ITGAD: variants seen among roughly 807,000 people sequenced by gnomAD.
ITGAD encodes integrin subunit alpha D.
ITGAD carries 105 observed loss-of-function variants against 139.0 expected under a neutral mutation model. The observed-to-expected ratio is 0.76, with a 90% CI of 0.65 to 0.89. ITGAD has a LOEUF of 0.89. Ranked by LOEUF, ITGAD falls within the 40% of genes least tolerant of loss-of-function variation. The probability of loss-of-function intolerance (pLI) is 0.00; values close to 1 mark genes in which losing one functional copy is unlikely to be tolerated. For synonymous variants in ITGAD, 569 were observed against 598.3 expected, an observed-to-expected ratio of 0.95 and a Z score of 0.71; for missense variants, 1,384 against 1,487.3, an observed-to-expected ratio of 0.93 and a Z score of 1.14.
Position 31,394,256 on chromosome 16 carries a change from T to C in ITGAD, c.52T>C (p.Phe18Leu). ...CTCAGTCCTGGCTTCTTATCATGGA[T>C]TCAACCTGGATGTGGAGGAGCCTAC... is the stretch of plus-strand genomic sequence containing the variant. ...LLSVLASYHG[F>L]NLDVEEPTIF... Residue 18 changes from phenylalanine to leucine, a missense_variant, in exon 2 of 30, where the codon TTC becomes CTC. By Grantham distance (22) the Phe-to-Leu change is conservative. Coordinates refer to ENST00000389202, the MANE Select transcript of ITGAD (RefSeq NM_005353.3). 1.2e-6 allele frequency: 2 copies of C among 1,613,702 alleles called. No individual in the cohort carries two copies. Among genetic ancestry groups the C allele is most frequent in the Non-Finnish European group, 1.7e-6 (2 of 1,179,778 alleles).
intron 20 of ITGAD, among the ~76,000 whole-genome samples, chr16:31,417,855 G>A (rs2081927324): frequency 6.6e-6 from 1 of 152,162 alleles, no homozygotes; most frequent in South Asian, 2.1e-4. Context: ...CCTGTGGCAG[G>A]GGAATTGCTT....
intron 2 of ITGAD, 142 bp downstream of exon 2, chr16:31,394,483 C>A: frequency 1.7e-6 from 1 of 584,114 alleles, no homozygotes; most frequent in Non-Finnish European, 3.1e-6. Flanking sequence ...GAGGCCCTGA[C>A]ATCAGCACCT....
At chr16:31,395,938 C>G (rs1222116389) in intron 2 of ITGAD, among the ~76,000 whole-genome samples, 2 of 152,134 alleles carry the variant, frequency 1.3e-5, no homozygotes, top group African/African-American at 2.4e-5. Context: ...GCACCAGGCA[C>G]CAGGCTTTTG....
rs1422197858 is a variant in ITGAD, at chr16:31,417,945, TC to T, written c.2500-129del. Reference sequence around the variant, plus strand: ...CTGGGTGACAAGAGTGAAATCCGTCTCAAAAAAAAACAACAACAAAAAAAGA... The same window carrying T: ...CTGGGTGACAAGAGTGAAATCCGTCTAAAAAAAAACAACAACAAAAAAAGA... On this transcript the variant is annotated intron_variant, in intron 20 of 29. Transcript: ENST00000389202. 9 of 603,694 alleles carry T rather than the reference TC, an allele frequency of 1.5e-5. No individual in the cohort carries two copies. In the East Asian group the frequency reaches 2.5e-4, roughly 16 times the overall value. The allele number at this position is 603,694 out of a possible 1,614,324, so 37.4% of individuals were successfully genotyped here.
In ITGAD at chr16:31,416,242, T is replaced by C. The variant is rs761054726; in HGVS notation, c.2313T>C (p.Asp771=). ...CCTTCGAGAAGAACTGTGGGCAAGA[T>C]GGCCTCTGTGAAGGGGACCTGGGTG... The part of the protein sequence containing the change: ...SLPFEKNCGQ[D]GLCEGDLGVT... Residue 771 remains aspartate (D), a synonymous_variant, in exon 19 of 30, where the codon GAT becomes GAC. Transcript: ENST00000389202. The C allele has an allele frequency of 9.3e-6, 15 of 1,606,864 alleles. No individual in the cohort carries two copies. Among genetic ancestry groups the C allele is most frequent in the Non-Finnish European group, 1.3e-5 (15 of 1,175,860 alleles).
intron 4 of ITGAD, 22 bp downstream of exon 4, chr16:31,397,688 C>CG (rs34475127): frequency 0.13 from 22,562 of 172,154 alleles, 251 homozygotes; most frequent in Non-Finnish European, 0.18. Flanking sequence ...TCTTGGGCCA[C>CG]GGGGGGGTGG....
At chr16:31,393,462 T>TGG in intron 1 of ITGAD, 71 bp downstream of exon 1, 3 of 1,547,262 alleles carry the variant, frequency 1.9e-6, no homozygotes, top group Non-Finnish European at 2.7e-6. Flanking sequence ...GAGGGCAGGC[T>TGG]GGGGGCTGGT....
chr16:31,394,150 A>AT, intron 1 of ITGAD, 86 bp from the exon 2 acceptor site: 1 of 752,076 alleles, frequency 1.3e-6, no homozygotes. Context: ...AAAAAAAAAA[A>AT]GAAAAAAAAG....
At chr16:31,396,982 G>C (rs2081277636) in intron 2 of ITGAD, among the ~76,000 whole-genome samples, 1 of 150,862 alleles carries the variant, frequency 6.6e-6, no homozygotes. Context: ...CTTATTTCTT[G>C]GGTGGTTCAA....
intron 20 of ITGAD, among the ~76,000 whole-genome samples, chr16:31,417,732 G>C (rs945855027): frequency 1.2e-4 from 18 of 152,124 alleles, no homozygotes; most frequent in Admixed American, 6.6e-5. Context: ...ATCACCTGAG[G>C]TCAGGAGTTT....
intron 4 of ITGAD, 26 bp downstream of exon 4, chr16:31,397,692 GGGGTGGGGTGGGGC>G: frequency 6.6e-7 from 1 of 1,513,500 alleles, no homozygotes; most frequent in Non-Finnish European, 9.0e-7. Flanking sequence ...GGGCCACGGG[GGGGTGGGGTGGGGC>G]GGGGGGTGTT....
At chr16:31,421,392 A>C (rs754807712) in intron 23 of ITGAD, among the ~76,000 whole-genome samples, 1 of 151,350 alleles carries the variant, frequency 6.6e-6, no homozygotes, top group Non-Finnish European at 1.5e-5. Flanking sequence ...TACAGGCATG[A>C]GTGGGAGGAT....
At position 31,403,636 on chromosome 16, in the gene ITGAD, T is replaced by A. The variant is rs148552407; in HGVS notation, c.695T>A (p.Leu232Gln). Residue 232 changes from leucine to glutamine, a missense_variant, in exon 7 of 30, where the codon CTG becomes CAG. By Grantham distance (113) the Leu-to-Gln change is moderately radical (BLOSUM62 -2). Coordinates refer to ENST00000389202, the MANE Select transcript of ITGAD (RefSeq NM_005353.3). The surrounding 1 kb of genome is among the most constrained non-coding windows in gnomAD (Gnocchi z 4.4). ...CTGACGTTCACGGCCACGGGCATCC[T>A]GACAGTGGTGTAAGCAACCCCGACC... ...KGLTFTATGILTVVTQLFHHK... is the reference protein window; with the variant it reads ...KGLTFTATGIQTVVTQLFHHK... The A allele has an allele frequency of 6.2e-7, 1 of 1,614,174 alleles. No homozygotes were observed. Among genetic ancestry groups the A allele is most frequent in the South Asian group, 1.1e-5 (1 of 91,088 alleles).
chr16:31,424,691 G>C, intron 29 of ITGAD, 114 bp downstream of exon 29: 1 of 612,102 alleles, frequency 1.6e-6, no homozygotes, highest in Non-Finnish European at 2.8e-6. Flanking sequence ...TCCACCTCCC[G>C]GGTTCAAGTG....
Position 31,418,078 on chromosome 16 carries a change from C to G in ITGAD, c.2503C>G (p.Gln835Glu). ...SHRRVSGAQK[Q>E]PHQSALRLAC... is the part of the protein sequence containing the mutation. The stretch of plus-strand genomic sequence containing the variant: ...AAAATTCATTCTCCTCCCCTAGAAG[C>G]AGCCCCATCAGAGTGCCCTGCGCCT... The change falls in exon 21 of 30, where the codon CAG becomes GAG. Residue 835 changes from glutamine (Q) to glutamate (E), a missense_variant. Transcript: ENST00000389202. The G allele has an allele frequency of 6.2e-7, 1 of 1,613,754 alleles. No individual in the cohort carries two copies. Among genetic ancestry groups the G allele is most frequent in the Non-Finnish European group, 8.5e-7 (1 of 1,179,678 alleles).
At position 31,397,578 on chromosome 16, in the gene ITGAD, G is replaced by A. The variant is rs767940485; in HGVS notation, c.242-18G>A. On this transcript the variant is annotated intron_variant, in intron 3 of 29. Transcript: ENST00000389202. Reference sequence around the variant, plus strand: ...GAGTGTGTGCTGTGAGTGAGACCCCGCGTGTCTGCCCTTGCAGTCCGCCCT... The same window carrying A: ...GAGTGTGTGCTGTGAGTGAGACCCCACGTGTCTGCCCTTGCAGTCCGCCCT... 47 of 1,606,170 alleles carry A rather than the reference G, an allele frequency of 2.9e-5. No individual in the cohort carries two copies. The highest frequency in any genetic ancestry group is 5.3e-5 in the African/African-American group (4 of 74,866).
At chr16:31,412,451 A>G (rs2081750941) in intron 14 of ITGAD, among the ~76,000 whole-genome samples, 1 of 151,906 alleles carries the variant, frequency 6.6e-6, no homozygotes, top group Non-Finnish European at 1.5e-5. Context: ...AACCTTTCCC[A>G]TCACCTCCCT....
intron 16 of ITGAD, 26 bp from the exon 17 acceptor site, chr16:31,414,425 A>G (rs758900724): frequency 1.2e-6 from 2 of 1,605,450 alleles, no homozygotes; most frequent in South Asian, 2.2e-5. Context: ...CTGCCTTTTC[A>G]TTTTGCACTC....
chr16:31,412,920 G>A lies in ITGAD; in HGVS notation c.1790G>A (p.Gly597Glu). Reference sequence around the variant, plus strand: ...GGGGGTCAGGACCTCACCCAGGATGGACTGATGGACCTGGCCGTGGGGGCC... The same window carrying A: ...GGGGGTCAGGACCTCACCCAGGATGAACTGATGGACCTGGCCGTGGGGGCC... ...LSGGQDLTQD[G>E]LMDLAVGARG... The change falls in exon 15 of 30, where the codon GGA (glycine) becomes GAA (glutamate). Residue 597 changes from glycine to glutamate, a missense_variant. Physicochemically the swap from Gly to Glu is moderately conservative, Grantham distance 98. Transcript: ENST00000389202. 6.2e-7 allele frequency: 1 copy of A among 1,613,150 alleles called. No individual in the cohort carries two copies. Among genetic ancestry groups the A allele is most frequent in the South Asian group, 1.1e-5 (1 of 90,982 alleles).
Sources: allele counts gnomAD v4.1 joint callset (sites outside exome capture counted in the v4.1 genomes callset), GRCh38; gene constraint gnomAD v4.1.1; non-coding constraint Gnocchi (gnomAD v3.1); transcripts MANE v1.5; gene names NCBI Gene and HGNC (gene_info 2026-07-23, HGNC 2026-07-21).